The following DTL variants were observed in gnomAD, a reference collection of about 807,000 sequenced individuals.
DTL encodes denticleless protein homolog.
DTL carries 46 observed loss-of-function variants against 87.0 expected under a neutral mutation model. That is an observed-to-expected ratio of 0.53 (90% CI 0.42 to 0.68). The LOEUF (loss-of-function observed/expected upper bound fraction) is 0.68. Among genes scored for constraint, DTL ranks in the 30% least tolerant of loss-of-function variants. DTL has a pLI of 0.00. For synonymous variants in DTL, 308 were observed against 311.2 expected, an observed-to-expected ratio of 0.99 and a Z score of 0.11; for missense variants, 737 against 869.4, an observed-to-expected ratio of 0.85 and a Z score of 1.91.
At position 212,066,950 on chromosome 1, in the gene DTL, C is replaced by T. The variant is rs140558714; in HGVS notation, c.713+65C>T. On this transcript the variant is annotated intron_variant, in intron 8 of 14. Transcript: ENST00000366991. ...TTATGAGATTGTGATGAGGCAGTCA[C>T]ATAGTCTCATTATAATTGAATGTGT... 6,240 of 1,313,030 alleles carry T rather than the reference C, an allele frequency of 4.8e-3. 25 individuals are homozygous for T. The highest frequency in any genetic ancestry group is 6.3e-3 in the Non-Finnish European group (5,778 of 916,316). The allele number at this position is 1,313,030 out of a possible 1,614,324, so 81.3% of individuals were successfully genotyped here.
intron 13 of DTL, among the ~76,000 whole-genome samples, chr1:212,088,977 T>G (rs757024426): frequency 9.9e-5 from 15 of 152,004 alleles, no homozygotes; most frequent in Non-Finnish European, 1.6e-4. Flanking sequence ...TCCCAGCTAC[T>G]CGGGAGGCTG....
intron 13 of DTL, among the ~76,000 whole-genome samples, chr1:212,091,983 A>G (rs1013472067): frequency 5.3e-5 from 8 of 152,226 alleles, no homozygotes; most frequent in African/African-American, 1.4e-4. Flanking sequence ...AAAAATTTCA[A>G]TAGTTTTGGG....
rs917574607 is a variant in DTL, at chr1:212,082,664, G to A, written c.1261+1914G>A. 7.0e-4 allele frequency among the ~76,000 whole-genome samples: 107 copies of A among 152,274 alleles called. 1 individual carries two copies. The highest frequency in any genetic ancestry group is 6.9e-3 in the Admixed American group (105 of 15,290). On this transcript the variant is annotated intron_variant, in intron 13 of 14. Transcript: ENST00000366991. Reference sequence around the variant, plus strand: ...GGTGGGGAGAGAGGTGGAGAGATGAGATGGCCATAACTTACAGAAGCTTCC... The same window carrying A: ...GGTGGGGAGAGAGGTGGAGAGATGAAATGGCCATAACTTACAGAAGCTTCC...
chr1:212,070,547 T>C (rs1571962718), intron 10 of DTL, among the ~76,000 whole-genome samples: 1 of 151,678 alleles, frequency 6.6e-6, no homozygotes, highest in Admixed American at 6.6e-5. Flanking sequence ...GAGGTTTGAG[T>C]CTTCAGTGAG....
At chr1:212,070,996 T>A (rs369815586) in intron 10 of DTL, among the ~76,000 whole-genome samples, 1 of 152,220 alleles carries the variant, frequency 6.6e-6, no homozygotes, top group East Asian at 1.9e-4. Flanking sequence ...AATTACAGTT[T>A]TAGAACAATG....
chr1:212,043,067 T>C lies in DTL; in HGVS notation c.127T>C (p.Tyr43His). The C allele has an allele frequency of 1.2e-6, 2 of 1,613,484 alleles. No homozygotes were observed. Among genetic ancestry groups the C allele is most frequent in the Non-Finnish European group, 1.7e-6 (2 of 1,179,668 alleles). The change falls in exon 2 of 15, where the codon TAT becomes CAT. Residue 43 changes from tyrosine to histidine, a missense_variant. Tyr to His is a moderately conservative substitution (Grantham distance 83). Coordinates refer to ENST00000366991, the MANE Select transcript of DTL (RefSeq NM_016448.4). ...QCSGNDEHTS[Y>H]GETGVPVPPF... ...CAGTGGTAATGATGAACACACTTCT[T>C]ATGGAGAAACAGGAGTCCCAGTTCC... is the stretch of plus-strand genomic sequence containing the variant.
chr1:212,091,905 A>T (rs1272634307), intron 13 of DTL, among the ~76,000 whole-genome samples: 1 of 152,262 alleles, frequency 6.6e-6, no homozygotes, highest in African/African-American at 2.4e-5. Flanking sequence ...TATATACACA[A>T]TAAAAATAAA....
intron 13 of DTL, among the ~76,000 whole-genome samples, chr1:212,093,202 T>G (rs913248256): frequency 1.3e-5 from 2 of 152,120 alleles, no homozygotes; most frequent in Non-Finnish European, 2.9e-5. Flanking sequence ...TGCTCAGACC[T>G]CTACGGGAGC....
intron 5 of DTL, among the ~76,000 whole-genome samples, chr1:212,053,277 G>GT (rs777008833): frequency 1.8e-4 from 27 of 150,684 alleles, no homozygotes; most frequent in African/African-American, 4.6e-4. Flanking sequence ...ATTTTCTTAT[G>GT]TTTTTTTTAA....
At chr1:212,093,114 T>C (rs1163939558) in intron 13 of DTL, among the ~76,000 whole-genome samples, 1 of 152,148 alleles carries the variant, frequency 6.6e-6, no homozygotes, top group East Asian at 1.9e-4. Flanking sequence ...TCCTTGCTGA[T>C]TTTAAAACTG....
At chr1:212,102,710 G>C (rs994988105) in intron 14 of DTL, 132 bp from the exon 15 acceptor site, 2 of 610,774 alleles carry the variant, frequency 3.3e-6, no homozygotes, top group East Asian at 2.8e-5. Flanking sequence ...CATTGCCATT[G>C]AAAGTATTTG....
At chr1:212,096,478 G>T (rs1285113968) in intron 13 of DTL, among the ~76,000 whole-genome samples, 1 of 152,054 alleles carries the variant, frequency 6.6e-6, no homozygotes. Flanking sequence ...GTCAATTTGT[G>T]CTCTTTCAGA....
intron 13 of DTL, among the ~76,000 whole-genome samples, chr1:212,082,043 G>A (rs1347222594): frequency 6.6e-6 from 1 of 152,150 alleles, no homozygotes; most frequent in African/African-American, 2.4e-5. Context: ...TTTAGAGGTT[G>A]AGGAGGTGAC....
intron 13 of DTL, among the ~76,000 whole-genome samples, chr1:212,099,912 G>C (rs1175924135): frequency 6.6e-6 from 1 of 152,068 alleles, no homozygotes; most frequent in African/African-American, 2.4e-5. Context: ...TTTTTGTAAA[G>C]AAAAAAGTTG....
At chr1:212,038,290 A>G (rs1183016906) in intron 1 of DTL, among the ~76,000 whole-genome samples, 1 of 152,218 alleles carries the variant, frequency 6.6e-6, no homozygotes, top group Non-Finnish European at 1.5e-5. Context: ...AAATTATGTT[A>G]TTGGAAGACT....
intron 10 of DTL, among the ~76,000 whole-genome samples, chr1:212,071,235 T>C (rs1654660523): frequency 6.6e-6 from 1 of 152,230 alleles, no homozygotes; most frequent in Admixed American, 6.5e-5. Context: ...CCCCTACTAA[T>C]ACTTTTCTCT....
At chr1:212,096,726 C>T (rs1426071117) in intron 13 of DTL, among the ~76,000 whole-genome samples, 1 of 152,098 alleles carries the variant, frequency 6.6e-6, no homozygotes, top group African/African-American at 2.4e-5. Context: ...CCACTATGGT[C>T]TGAGAGAGTA....
rs529717444 is a variant in DTL at position 212,044,752 on chromosome 1, T to G, written c.271T>G (p.Phe91Val). 1.9e-6 allele frequency: 3 copies of G among 1,606,696 alleles called. No homozygotes were observed. The highest frequency in any genetic ancestry group is 2.2e-5 in the East Asian group (1 of 44,834). The stretch of plus-strand genomic sequence containing the variant: ...ATCACAAAGTTTCAGAAAGAAGTGC[T>G]TCAAAGGTAAGTCTAGGTCTACAAT... ...TESQSFRKKC[F>V]KEWMAHWNAV... Residue 91 changes from phenylalanine (F) to valine (V), a missense_variant, in exon 3 of 15, where the codon TTC (phenylalanine) becomes GTC (valine). By Grantham distance (50) the Phe-to-Val change is conservative (BLOSUM62 -1). Coordinates refer to ENST00000366991, the MANE Select transcript of DTL (RefSeq NM_016448.4).
chr1:212,081,447 T>C (rs2102568087), intron 13 of DTL, among the ~76,000 whole-genome samples: 1 of 152,376 alleles, frequency 6.6e-6, no homozygotes, highest in African/African-American at 2.4e-5. Flanking sequence ...ACTTTGGCTT[T>C]TATTTTGATA....
Sources: gnomAD v4.1 joint callset for allele counts (sites outside exome capture counted in the v4.1 genomes callset) on GRCh38, gnomAD v4.1.1 for gene constraint, MANE v1.5 for transcripts, NCBI Gene and HGNC (gene_info 2026-07-23, HGNC 2026-07-21) for gene names.